Variants in LARP7 observed in about 807,000 individuals in gnomAD.
LARP7 encodes la-related protein 7.
In LARP7, 52 loss-of-function variants were observed where a neutral mutation model predicts 69.3. The observed-to-expected ratio is 0.75, with a 90% confidence interval of 0.60 to 0.95. The LOEUF (loss-of-function observed/expected upper bound fraction) is 0.95, where lower values mean the gene tolerates loss of function less well. LARP7 is among the 40% of genes least tolerant of loss of function. The probability of loss-of-function intolerance (pLI) is 0.00; values close to 1 mark genes in which losing one functional copy is unlikely to be tolerated. For synonymous variants in LARP7, 254 were observed against 215.9 expected, an observed-to-expected ratio of 1.18 and a Z score of -1.55; for missense variants, 733 against 673.0, an observed-to-expected ratio of 1.09 and a Z score of -0.99.
At position 112,641,392 on chromosome 4, in the gene LARP7, A is replaced by G. The variant is rs550597953; in HGVS notation, c.-2-3276A>G. On this transcript the variant is annotated intron_variant, in intron 1 of 12. Coordinates refer to ENST00000344442, the MANE Select transcript of LARP7 (RefSeq NM_016648.4). ...GACAGAGTGAGACTCCGTCTCAGGG[A>G]AAAAAAAAAAAAGAAACCTTTGGAG... Among the ~76,000 whole-genome samples, 1,203 of 132,872 alleles carry G rather than the reference A, an allele frequency of 9.1e-3. 16 individuals carry two copies. Among genetic ancestry groups the G allele is most frequent in the African/African-American group, 0.029 (1,124 of 38,466 alleles). The allele number at this position is 132,872 out of a possible 152,430, so 87.2% of individuals were successfully genotyped here.
Position 112,647,376 on chromosome 4 carries a change from A to T in LARP7, c.824A>T (p.Lys275Ile). Residue 275 changes from lysine (K) to isoleucine (I), a missense_variant, in exon 7 of 13, where the codon AAA (lysine) becomes ATA (isoleucine). Lys to Ile is a moderately radical substitution (Grantham distance 102). Coordinates refer to ENST00000344442, the MANE Select transcript of LARP7 (RefSeq NM_016648.4). ...GAACCCCAAAAGCAGTGCTCAAAGA[A>T]AAAGAAAAAACGGGACAGAGTTGAA... The part of the protein sequence containing the change: ...STEPQKQCSK[K>I]KKKRDRVEAS... 6.2e-7 allele frequency: 1 copy of T among 1,614,126 alleles called. No homozygotes were observed. The highest frequency in any genetic ancestry group is 1.1e-5 in the South Asian group (1 of 91,082).
At chr4:112,639,549 T>A (rs536239806) in intron 1 of LARP7, among the ~76,000 whole-genome samples, 84 of 151,978 alleles carry the variant, frequency 5.5e-4, no homozygotes, top group South Asian at 1.2e-3. Flanking sequence ...TTTTTTTTTT[T>A]AAAACAGTGT....
intron 8 of LARP7, chr4:112,648,074 G>A (rs770645069): frequency 8.0e-6 from 5 of 622,416 alleles, no homozygotes; most frequent in African/African-American, 7.2e-5. Flanking sequence ...AGTAGAGGGG[G>A]CCCCTTAACA....
chr4:112,645,936 A>T (rs2048188569), intron 2 of LARP7, among the ~76,000 whole-genome samples: 1 of 152,136 alleles, frequency 6.6e-6, no homozygotes, highest in African/African-American at 2.4e-5. Context: ...GCAGTTACAT[A>T]CACTAAAATG....
chr4:112,646,070 C>G (rs1447446937), intron 2 of LARP7, among the ~76,000 whole-genome samples: 1 of 152,024 alleles, frequency 6.6e-6, no homozygotes, highest in Admixed American at 6.6e-5. Context: ...ACCTCTGCCT[C>G]CTGGGTTCAA....
At chr4:112,637,688 G>A (rs971288484) in intron 1 of LARP7, 1 of 152,242 alleles carries the variant, frequency 6.6e-6, no homozygotes, top group Non-Finnish European at 1.5e-5. Context: ...AGTTACGGAA[G>A]GGAACTAACA....
rs2048998881 is a variant in LARP7, at chr4:112,657,381, G to A, written c.*54G>A. The A allele has an allele frequency of 1.1e-6, 1 of 875,176 alleles. No individual in the cohort carries two copies. Among genetic ancestry groups the A allele is most frequent in the East Asian group, 2.8e-5 (1 of 35,890 alleles). The allele number at this position is 875,176 out of a possible 1,614,324, so 54.2% of individuals were successfully genotyped here. ...TCACAAGATACTTGAGCTGTTCTTG[G>A]GAGATTCACTTTTATTATGGTAGCA... On this transcript the variant is annotated 3_prime_UTR_variant, in exon 13 of 13. Transcript: ENST00000344442.
chr4:112,648,515 T>C (rs763048957), intron 8 of LARP7: 3 of 534,114 alleles, frequency 5.6e-6, no homozygotes, highest in Middle Eastern at 3.2e-4. Flanking sequence ...GCACTTACTT[T>C]TAAAGTCACA....
At chr4:112,646,180 T>A (rs1404313106) in intron 2 of LARP7, among the ~76,000 whole-genome samples, 171 bp from the exon 3 acceptor site, 1 of 152,100 alleles carries the variant, frequency 6.6e-6, no homozygotes, top group East Asian at 1.9e-4. Flanking sequence ...GGTTTCACTA[T>A]GTTGGCCAGG....
chr4:112,640,000 A>G (rs2047897016), intron 1 of LARP7, among the ~76,000 whole-genome samples: 1 of 152,112 alleles, frequency 6.6e-6, no homozygotes, highest in South Asian at 2.1e-4. Context: ...GTGCAGTGGT[A>G]CGATCTCGAA....
Position 112,657,170 on chromosome 4 carries a change from T to TTGTGTGTGTGTGTGTGTGTG in LARP7, c.1669-65_1669-46dup, listed in dbSNP as rs35719274. The TTGTGTGTGTGTGTGTGTGTG allele has an allele frequency of 8.4e-4, 435 of 516,964 alleles. 1 individual carries two copies. Among genetic ancestry groups the TTGTGTGTGTGTGTGTGTGTG allele is most frequent in the East Asian group, 6.6e-3 (170 of 25,928 alleles). 32.0% of individuals were successfully genotyped at this position (516,964 alleles called of 1,614,324 possible). Reference sequence around the variant, plus strand: ...TGTGAAATTTTTTCTAGTCATAGTTTTGTGTGTGTGTGTGTGTGTGTGTGT... The same window carrying TTGTGTGTGTGTGTGTGTGTG: ...TGTGAAATTTTTTCTAGTCATAGTTTTGTGTGTGTGTGTGTGTGTGTGTGTGTGTGTGTGTGTGTGTGTGT... On this transcript the variant is annotated intron_variant, in intron 12 of 12. Transcript: ENST00000344442.
chr4:112,649,126 A>G (rs989376344), intron 8 of LARP7, among the ~76,000 whole-genome samples: 12 of 152,240 alleles, frequency 7.9e-5, no homozygotes, highest in African/African-American at 2.2e-4. Context: ...CTACTTAGAA[A>G]TTCTTTTTGA....
At position 112,647,247 on chromosome 4, in the gene LARP7, A is replaced by G; in HGVS notation, c.695A>G (p.Asp232Gly). ...AAGAAAGGCCGAATGAAAAAGGAAG[A>G]CAATATCCAAGCCAAAGAAGAAAAC... ...KKKKGRMKKE[D>G]NIQAKEENMD... is the part of the protein sequence containing the mutation. The change falls in exon 7 of 13, where the codon GAC (aspartate) becomes GGC (glycine). Residue 232 changes from aspartate (D) to glycine (G), a missense_variant. Coordinates refer to ENST00000344442, the MANE Select transcript of LARP7 (RefSeq NM_016648.4). 1.2e-6 allele frequency: 2 copies of G among 1,606,854 alleles called. No individual in the cohort carries two copies. The highest frequency in any genetic ancestry group is 2.2e-5 in the South Asian group (2 of 89,500).
chr4:112,653,220 A>C lies in LARP7; in HGVS notation c.1560A>C (p.Lys520Asn). The C allele has an allele frequency of 6.3e-7, 1 of 1,578,754 alleles. No homozygotes were observed. The stretch of plus-strand genomic sequence containing the variant: ...AAATTAACAAGAAACACTGCTGGAA[A>C]CTCGAGATCCTTTCTGGTAAAACTT... ...YTEINKKHCWKLEILSGDHEQ... is the reference protein window; with the variant it reads ...YTEINKKHCWNLEILSGDHEQ... Residue 520 changes from lysine (K) to asparagine (N), a missense_variant, in exon 11 of 13, where the codon AAA (lysine) becomes AAC (asparagine). Transcript: ENST00000344442.
rs764707281 is a variant in LARP7, at chr4:112,646,351, A to T, written c.203A>T (p.Tyr68Phe). 12 of 1,368,866 alleles carry T rather than the reference A, an allele frequency of 8.8e-6. No individual in the cohort carries two copies. Among genetic ancestry groups the T allele is most frequent in the Non-Finnish European group, 1.2e-5 (12 of 967,298 alleles). The allele number at this position is 1,368,866 out of a possible 1,614,324, so 84.8% of individuals were successfully genotyped here. A position where few individuals can be genotyped will look rare whatever the true frequency, so the allele number is the denominator to read the frequency against. ...ATATTAACTTTTTCATTTTCTTTAGATGTTGATATATCACTACTTGTGTCT... is the reference window on the plus strand; with the variant it reads ...ATATTAACTTTTTCATTTTCTTTAGTTGTTGATATATCACTACTTGTGTCT... Reference protein sequence around the residue: ...REQIEKSRDGYVDISLLVSFN... With the variant: ...REQIEKSRDGFVDISLLVSFN... Residue 68 changes from tyrosine (Y) to phenylalanine (F), a missense_variant and splice_region_variant, in exon 3 of 13, where the codon TAT becomes TTT. Physicochemically the swap from Tyr to Phe is conservative, Grantham distance 22. Transcript: ENST00000344442.
chr4:112,647,424 G>C lies in LARP7; in HGVS notation c.872G>C (p.Arg291Thr), dbSNP rs774437783. 6.2e-7 allele frequency: 1 copy of C among 1,614,116 alleles called. No individual in the cohort carries two copies. Among genetic ancestry groups the C allele is most frequent in the Non-Finnish European group, 8.5e-7 (1 of 1,180,022 alleles). ...GAAGCATCTAGCTTACCTGAAGTCAGAACAGGGAAGAGGAAGAGAAGCAGC... is the reference window on the plus strand; with the variant it reads ...GAAGCATCTAGCTTACCTGAAGTCACAACAGGGAAGAGGAAGAGAAGCAGC... ...RVEASSLPEV[R>T]TGKRKRSSSE... Residue 291 changes from arginine (R) to threonine (T), a missense_variant, in exon 7 of 13, where the codon AGA becomes ACA. Coordinates refer to ENST00000344442, the MANE Select transcript of LARP7 (RefSeq NM_016648.4).
At chr4:112,647,910 T>G in intron 8 of LARP7, 76 bp downstream of exon 8, 5 of 1,057,910 alleles carry the variant, frequency 4.7e-6, no homozygotes, top group Non-Finnish European at 5.9e-6. Context: ...CAATTTATAT[T>G]CAACAGAGTT....
chr4:112,640,784 G>A (rs942992049), intron 1 of LARP7, among the ~76,000 whole-genome samples: 6 of 152,196 alleles, frequency 3.9e-5, no homozygotes, highest in African/African-American at 7.2e-5. Flanking sequence ...GGCAGTGGAC[G>A]GAGTTAAGGT....
At position 112,652,510 on chromosome 4, in the gene LARP7, A is replaced by G. The variant is rs956113340; in HGVS notation, c.1417-567A>G. The stretch of plus-strand genomic sequence containing the variant: ...AACTTTTCCTTGCTGGGTGACCACA[A>G]CTTGTTTAGAAGAGGTTACTTAGGT... On this transcript the variant is annotated intron_variant, in intron 10 of 12. Transcript: ENST00000344442. 3.3e-5 allele frequency among the ~76,000 whole-genome samples: 5 copies of G among 152,138 alleles called. No individual in the cohort carries two copies. The East Asian group carries it at 9.6e-4, about 29-fold the overall frequency.
Sources: allele counts gnomAD v4.1 joint callset (sites outside exome capture counted in the v4.1 genomes callset), GRCh38; gene constraint gnomAD v4.1.1; transcripts MANE v1.5; gene names NCBI Gene and HGNC (gene_info 2026-07-23, HGNC 2026-07-21).